HCN1: variants seen among roughly 807,000 people sequenced by gnomAD.
The protein encoded by HCN1 is hyperpolarization activated cyclic nucleotide gated potassium channel 1.
Under a neutral mutation model 78.9 loss-of-function variants are expected in HCN1, and 13 were observed. The observed-to-expected ratio is 0.16, with a 90% CI of 0.11 to 0.26. The LOEUF (loss-of-function observed/expected upper bound fraction) is 0.26, where lower values mean the gene tolerates loss of function less well. HCN1 is among the 10% of genes least tolerant of loss of function. The pLI, the probability that HCN1 is intolerant of heterozygous loss-of-function variation, is 1.00. For missense variants in HCN1, 810 were observed against 1,154.3 expected (o/e 0.70, Z 4.32); for synonymous variants, 552 against 455.5 (o/e 1.21, Z -2.70).
chr5:45,375,160 T>A (rs1184311610), intron 4 of HCN1, among the ~76,000 whole-genome samples: 1 of 121,204 alleles, frequency 8.3e-6, no homozygotes, highest in South Asian at 2.2e-4. Context: ...GTATTATATA[T>A]AATATATTTT....
chr5:45,498,231 T>C (rs374921663), intron 2 of HCN1, among the ~76,000 whole-genome samples: 13 of 151,688 alleles, frequency 8.6e-5, no homozygotes, highest in South Asian at 6.3e-4. Flanking sequence ...ACCAATCAGA[T>C]GTAGATTTGG....
At chr5:45,352,589 C>T (rs934812818) in intron 5 of HCN1, among the ~76,000 whole-genome samples, 1 of 151,844 alleles carries the variant, frequency 6.6e-6, no homozygotes, top group African/African-American at 2.4e-5. Context: ...CAGGAGTGAT[C>T]TGAATATTCT....
intron 2 of HCN1, among the ~76,000 whole-genome samples, chr5:45,619,497 A>T (rs1745017987): frequency 6.6e-6 from 1 of 152,170 alleles, no homozygotes; most frequent in African/African-American, 2.4e-5. Flanking sequence ...AAATGACAAT[A>T]GTATCGAATA....
At chr5:45,669,881 A>G (rs938698384) in intron 1 of HCN1, among the ~76,000 whole-genome samples, 13 of 151,754 alleles carry the variant, frequency 8.6e-5, no homozygotes, top group African/African-American at 2.9e-4. Context: ...AAAGTCATAG[A>G]AAACATTTTA....
intron 1 of HCN1, among the ~76,000 whole-genome samples, chr5:45,663,885 T>G (rs1457109946): frequency 4.1e-5 from 6 of 144,808 alleles, no homozygotes; most frequent in Admixed American, 4.1e-4. Flanking sequence ...TCAACCATTG[T>G]GGAAGTCAGT....
At chr5:45,408,664 C>T (rs891298401) in intron 3 of HCN1, among the ~76,000 whole-genome samples, 25 of 152,044 alleles carry the variant, frequency 1.6e-4, no homozygotes, top group Non-Finnish European at 3.1e-4. Flanking sequence ...TTAATGTGCA[C>T]GTTTAAATTA....
chr5:45,439,274 T>C (rs1348423102), intron 3 of HCN1, among the ~76,000 whole-genome samples: 1 of 152,134 alleles, frequency 6.6e-6, no homozygotes, highest in Non-Finnish European at 1.5e-5. Context: ...GTAAGCTTAA[T>C]ATAATGGCTC....
chr5:45,317,622 C>G (rs1157375167), intron 5 of HCN1, among the ~76,000 whole-genome samples: 3 of 152,070 alleles, frequency 2.0e-5, no homozygotes, highest in Non-Finnish European at 4.4e-5. Context: ...TCAGAGTGAA[C>G]AGGCAACCTA....
intron 2 of HCN1, among the ~76,000 whole-genome samples, chr5:45,570,858 C>T (rs771115351): frequency 6.6e-5 from 10 of 152,072 alleles, no homozygotes; most frequent in Non-Finnish European, 1.0e-4. Flanking sequence ...TAAAAACCTG[C>T]TGCGGAATTT....
intron 2 of HCN1, among the ~76,000 whole-genome samples, chr5:45,543,046 GT>G (rs1743137317): frequency 6.6e-6 from 1 of 152,002 alleles, no homozygotes; most frequent in Non-Finnish European, 1.5e-5. Flanking sequence ...GGTCCCCAAA[GT>G]TGCCAACTGA....
intron 3 of HCN1, among the ~76,000 whole-genome samples, chr5:45,404,957 G>T (rs77220738): frequency 0.038 from 5,772 of 152,052 alleles, 400 homozygotes; most frequent in African/African-American, 0.13. Context: ...TAAACGTGTT[G>T]AAGTAGGTAA....
chr5:45,659,907 C>T (rs1745889290), intron 1 of HCN1, among the ~76,000 whole-genome samples: 2 of 143,138 alleles, frequency 1.4e-5, no homozygotes, highest in African/African-American at 5.4e-5. Flanking sequence ...AGAACTTCCC[C>T]AATCTAGCAA....
intron 2 of HCN1, among the ~76,000 whole-genome samples, chr5:45,471,501 A>T (rs1238500910): frequency 6.6e-6 from 1 of 151,844 alleles, no homozygotes; most frequent in Non-Finnish European, 1.5e-5. Flanking sequence ...TAAAAAGTTT[A>T]GTGTCTGTTC....
chr5:45,561,092 C>T (rs1253728148), intron 2 of HCN1, among the ~76,000 whole-genome samples: 2 of 151,890 alleles, frequency 1.3e-5, no homozygotes, highest in Non-Finnish European at 2.9e-5. Flanking sequence ...AAATGTCATG[C>T]CTTCTTAATT....
chr5:45,429,758 G>C (rs1415987395), intron 3 of HCN1, among the ~76,000 whole-genome samples: 2 of 152,136 alleles, frequency 1.3e-5, no homozygotes, highest in Admixed American at 1.3e-4. Flanking sequence ...CGAAGGAGGT[G>C]AAAGAGTCAT....
intron 4 of HCN1, among the ~76,000 whole-genome samples, chr5:45,372,044 T>C (rs1167266175): frequency 0.014 from 791 of 55,244 alleles, 12 homozygotes; most frequent in Middle Eastern, 0.078. Context: ...ATATATATAT[T>C]ATATATATAA....
chr5:45,323,065 T>A (rs1746154775), intron 5 of HCN1, among the ~76,000 whole-genome samples: 1 of 151,854 alleles, frequency 6.6e-6, no homozygotes, highest in African/African-American at 2.4e-5. Context: ...CAGTTCCGTT[T>A]TTAGAAAATG....
chr5:45,330,202 T>A (rs1746316754), intron 5 of HCN1, among the ~76,000 whole-genome samples: 1 of 151,308 alleles, frequency 6.6e-6, no homozygotes, highest in African/African-American at 2.4e-5. Flanking sequence ...TGTGCTTTTG[T>A]ATGTTCCAAG....
At chr5:45,451,655 C>T (rs1579903803) in intron 3 of HCN1, among the ~76,000 whole-genome samples, 1 of 151,800 alleles carries the variant, frequency 6.6e-6, no homozygotes. Flanking sequence ...TCATTGAACT[C>T]AGTAAAAATC....
Sources: allele counts gnomAD v4.1 joint callset (sites outside exome capture counted in the v4.1 genomes callset), GRCh38; gene constraint gnomAD v4.1.1; transcripts MANE v1.5; gene names NCBI Gene and HGNC (gene_info 2026-07-23, HGNC 2026-07-21).